Variants in MYO16 observed in about 807,000 individuals in gnomAD.
MYO16 encodes the protein unconventional myosin-XVI.
Under a neutral mutation model 205.3 loss-of-function variants are expected in MYO16, and 94 were observed. The observed-to-expected ratio is 0.46, with a 90% CI of 0.39 to 0.54. The LOEUF is 0.54. Ranked by LOEUF, MYO16 falls within the 20% of genes least tolerant of loss-of-function variation. The pLI is 0.00. For missense variants in MYO16, 2,315 were observed against 2,387.5 expected (o/e 0.97, Z 0.63); for synonymous variants, 988 against 954.0 (o/e 1.04, Z -0.66).
intron 28 of MYO16, among the ~76,000 whole-genome samples, chr13:109,117,954 A>G (rs1331067087): frequency 1.3e-5 from 2 of 152,184 alleles, no homozygotes; most frequent in African/African-American, 4.8e-5. Context: ...TTCATGATGT[A>G]GCCACCAATT....
Position 108,961,538 on chromosome 13 carries a change from G to A in MYO16, c.2038-1G>A. Reference sequence around the variant, plus strand: ...ATTCTCTCTGTTTGTAAAATGCATAGGAGGTGGAGAATCTGTTCGTAATTC... The same window carrying A: ...ATTCTCTCTGTTTGTAAAATGCATAAGAGGTGGAGAATCTGTTCGTAATTC... On this transcript the variant is annotated splice_acceptor_variant, in intron 17 of 34. Transcript: ENST00000457511. LOFTEE classifies it high-confidence loss of function. 6.2e-7 allele frequency: 1 copy of A among 1,610,936 alleles called. No homozygotes were observed. The highest frequency in any genetic ancestry group is 8.5e-7 in the Non-Finnish European group (1 of 1,177,150).
At chr13:109,134,825 T>C (rs1876695314) in intron 31 of MYO16, among the ~76,000 whole-genome samples, 2 of 152,194 alleles carry the variant, frequency 1.3e-5, no homozygotes, top group Admixed American at 6.5e-5. Flanking sequence ...AAACAGATTC[T>C]ACCTCTGGAA....
the MYO16 span, among the ~76,000 whole-genome samples, chr13:108,547,001 G>A: frequency 2.4e-4 from 37 of 152,150 alleles, no homozygotes; most frequent in East Asian, 6.2e-3. Context: ...GGCCGGGTAC[G>A]GTGGCTCACC....
the MYO16 span, among the ~76,000 whole-genome samples, chr13:108,586,420 G>T: frequency 7.9e-5 from 12 of 151,986 alleles, no homozygotes; most frequent in South Asian, 2.1e-4. Context: ...TTTATAATGG[G>T]CTGGGTACTA....
At chr13:108,999,438 G>A (rs977399149) in intron 21 of MYO16, among the ~76,000 whole-genome samples, 13 of 152,046 alleles carry the variant, frequency 8.6e-5, no homozygotes, top group South Asian at 6.2e-4. Context: ...TTTTCGCTAC[G>A]TGTCAGAACT....
At position 109,140,330 on chromosome 13, in the gene MYO16, C is replaced by G. The variant is rs1432683712; in HGVS notation, c.4118C>G (p.Pro1373Arg). ...STMKKIPPRK[P>R]KRSPNTKLSG... ...ATGAAGAAGATTCCTCCTCGAAAGC[C>G]CAAGCGCAGCCCCAACACCAAGCTC... Residue 1373 changes from proline (P) to arginine (R), a missense_variant, in exon 32 of 35, where the codon CCC becomes CGC. Transcript: ENST00000457511. The surrounding 1 kb of genome is among the most constrained non-coding windows in gnomAD (Gnocchi z 8.0). 6.2e-7 allele frequency: 1 copy of G among 1,603,270 alleles called. No homozygotes were observed. Among genetic ancestry groups the G allele is most frequent in the African/African-American group, 1.3e-5 (1 of 74,958 alleles).
Position 108,823,229 on chromosome 13 carries a change from G to A in MYO16, c.1048G>A (p.Glu350Lys), listed in dbSNP as rs747552162. ...ATCTGCTTCTACCTTAGCTCAAGAA[G>A]AGCCCTATGAAGAGATCATTCACGA... ...PLSASTLAQE[E>K]PYEEIIHDLP... is the part of the protein sequence containing the mutation. The change falls in exon 9 of 35, where the codon GAG becomes AAG. Residue 350 changes from glutamate to lysine, a missense_variant. Transcript: ENST00000457511. The A allele has an allele frequency of 3.7e-6, 6 of 1,613,230 alleles. No homozygotes were observed. Among genetic ancestry groups the A allele is most frequent in the Admixed American group, 1.7e-5 (1 of 59,970 alleles).
At chr13:108,757,824 A>T (rs1232416856) in intron 4 of MYO16, among the ~76,000 whole-genome samples, 1 of 152,194 alleles carries the variant, frequency 6.6e-6, no homozygotes, top group African/African-American at 2.4e-5. Flanking sequence ...CATTCACTGC[A>T]CCGTCAGACC....
Position 108,964,175 on chromosome 13 carries a change from G to A in MYO16, c.2228-586G>A, listed in dbSNP as rs75193775. 4.5e-3 allele frequency among the ~76,000 whole-genome samples: 681 copies of A among 152,228 alleles called. 5 individuals carry two copies. Among genetic ancestry groups the A allele is most frequent in the Non-Finnish European group, 6.6e-3 (451 of 68,012 alleles). ...GCCCTCCTGCAACAGTGATGGGATAGGCTCAATGCCAAACCACCCTTGCTC... is the reference window on the plus strand; with the variant it reads ...GCCCTCCTGCAACAGTGATGGGATAAGCTCAATGCCAAACCACCCTTGCTC... On this transcript the variant is annotated intron_variant, in intron 19 of 34. Coordinates refer to ENST00000457511, the MANE Select transcript of MYO16 (RefSeq NM_001198950.3).
chr13:109,069,969 T>C (rs943882354), intron 27 of MYO16, among the ~76,000 whole-genome samples: 2 of 152,130 alleles, frequency 1.3e-5, no homozygotes, highest in African/African-American at 4.8e-5. Flanking sequence ...GGCACAACTA[T>C]TAGGGCACTA....
At chr13:109,195,718 A>G (rs1002189384) in intron 34 of MYO16, among the ~76,000 whole-genome samples, 1 of 152,172 alleles carries the variant, frequency 6.6e-6, no homozygotes, top group Non-Finnish European at 1.5e-5. Flanking sequence ...AGAAAAATCA[A>G]TTCTGTGACA....
At chr13:108,660,512 T>C (rs904779968) in intron 1 of MYO16, among the ~76,000 whole-genome samples, 3 of 152,230 alleles carry the variant, frequency 2.0e-5, no homozygotes, top group African/African-American at 7.2e-5. Context: ...CAAGGCCTTT[T>C]ACCATTATAT....
intron 1 of MYO16, among the ~76,000 whole-genome samples, chr13:108,635,437 G>A (rs934499798): frequency 1.3e-5 from 2 of 151,804 alleles, no homozygotes; most frequent in Non-Finnish European, 1.5e-5. Flanking sequence ...TCAATTTCAT[G>A]TAAACCTTTA....
At chr13:108,610,662 C>T (rs534826935) in intron 1 of MYO16, among the ~76,000 whole-genome samples, 1 of 152,296 alleles carries the variant, frequency 6.6e-6, no homozygotes, top group East Asian at 1.9e-4. Context: ...ATAGTAAATC[C>T]TCCTTCTTAT....
intron 15 of MYO16, among the ~76,000 whole-genome samples, chr13:108,906,758 G>C (rs778400352): frequency 2.0e-5 from 3 of 152,162 alleles, no homozygotes; most frequent in Non-Finnish European, 4.4e-5. Context: ...TCCTCTTGGA[G>C]TCCAGAGGGG....
At chr13:109,023,640 TACAA>T (rs1566468125) in intron 23 of MYO16, among the ~76,000 whole-genome samples, 2 of 121,234 alleles carry the variant, frequency 1.6e-5, no homozygotes, top group African/African-American at 2.9e-5. Flanking sequence ...CAAATATATA[TACAA>T]ATATATGTAT....
At chr13:109,007,258 G>A (rs928493347) in intron 21 of MYO16, among the ~76,000 whole-genome samples, 11 of 151,950 alleles carry the variant, frequency 7.2e-5, no homozygotes, top group Non-Finnish European at 1.5e-4. Context: ...TGAGGTGGCG[G>A]GCGCCTGTAG....
At chr13:108,781,042 T>A (rs905769408) in intron 4 of MYO16, among the ~76,000 whole-genome samples, 4 of 152,240 alleles carry the variant, frequency 2.6e-5, no homozygotes, top group African/African-American at 9.6e-5. Context: ...TACATCTCTT[T>A]CAATGCCAAG....
chr13:109,151,792 A>T (rs536313394), intron 32 of MYO16, among the ~76,000 whole-genome samples: 1 of 152,336 alleles, frequency 6.6e-6, no homozygotes, highest in East Asian at 1.9e-4. Flanking sequence ...AGGCAAAGCA[A>T]TGAGTGAAAA....
Sources: gnomAD v4.1 joint callset for allele counts (sites outside exome capture counted in the v4.1 genomes callset) on GRCh38, gnomAD v4.1.1 for gene constraint, Gnocchi (gnomAD v3.1) non-coding constraint, MANE v1.5 for transcripts, NCBI Gene and HGNC (gene_info 2026-07-23, HGNC 2026-07-21) for gene names.